The following ZBTB20 variants were observed in gnomAD, a reference collection of about 807,000 sequenced individuals.
The protein encoded by ZBTB20 is zinc finger and BTB domain containing 20, also known as zinc finger and BTB domain-containing protein 20.
Under a neutral mutation model 56.9 loss-of-function variants are expected in ZBTB20, and 9 were observed. The ratio of observed to expected loss-of-function variants is 0.16; its 90% CI spans 0.10 to 0.28. ZBTB20 has a LOEUF of 0.28. Among genes scored for constraint, ZBTB20 ranks in the 10% least tolerant of loss-of-function variants. The pLI is 1.00. For missense variants in ZBTB20, 655 were observed against 1,003.0 expected, an observed-to-expected ratio of 0.65 and a Z score of 4.69; for synonymous variants, 417 against 420.7, an observed-to-expected ratio of 0.99 and a Z score of 0.11.
At chr3:114,575,263 T>A (rs922938007) in intron 6 of ZBTB20, among the ~76,000 whole-genome samples, 8 of 152,200 alleles carry the variant, frequency 5.3e-5, no homozygotes, top group African/African-American at 1.9e-4. Context: ...GTTAAAATCA[T>A]GCCACATAGA....
intron 5 of ZBTB20, among the ~76,000 whole-genome samples, chr3:114,730,904 T>C (rs1023998091): frequency 2.6e-5 from 4 of 152,182 alleles, no homozygotes; most frequent in Non-Finnish European, 4.4e-5. Flanking sequence ...CTATGGAACA[T>C]TCAAGAAATG....
chr3:114,927,681 C>A (rs369200684), intron 3 of ZBTB20, among the ~76,000 whole-genome samples: 24 of 152,144 alleles, frequency 1.6e-4, no homozygotes, highest in African/African-American at 4.8e-4. Context: ...AGTTTCCAAC[C>A]AAATTATATT....
intron 6 of ZBTB20, among the ~76,000 whole-genome samples, chr3:114,583,429 T>C (rs911355443): frequency 2.0e-5 from 3 of 152,218 alleles, no homozygotes; most frequent in African/African-American, 7.2e-5. Flanking sequence ...TTTGACTTAG[T>C]GTTTTGTTGA....
chr3:114,935,441 T>C (rs2076500892), intron 3 of ZBTB20, among the ~76,000 whole-genome samples: 2 of 152,132 alleles, frequency 1.3e-5, no homozygotes, highest in African/African-American at 4.8e-5. Context: ...CCAGAATATA[T>C]GTTACATTAT....
intron 1 of ZBTB20, among the ~76,000 whole-genome samples, chr3:115,136,839 T>C (rs1466592119): frequency 1.3e-5 from 2 of 152,098 alleles, no homozygotes; most frequent in Non-Finnish European, 2.9e-5. Context: ...TCTCAATCCC[T>C]TTCTAAAACA....
At chr3:114,745,518 C>T (rs2066974476) in intron 5 of ZBTB20, among the ~76,000 whole-genome samples, 2 of 152,112 alleles carry the variant, frequency 1.3e-5, no homozygotes, top group African/African-American at 4.8e-5. Flanking sequence ...GACTGAATCA[C>T]CCAAAGATAC....
chr3:114,497,217 T>G (rs963989349), intron 7 of ZBTB20, among the ~76,000 whole-genome samples: 3 of 152,228 alleles, frequency 2.0e-5, no homozygotes, highest in Non-Finnish European at 4.4e-5. Context: ...ACCTTTGACC[T>G]GGTCTCCCTA....
intron 3 of ZBTB20, among the ~76,000 whole-genome samples, chr3:114,909,970 A>G (rs2075465847): frequency 6.6e-6 from 1 of 152,042 alleles, no homozygotes; most frequent in African/African-American, 2.4e-5. Context: ...ACAAAAATGT[A>G]AAGACAGTCA....
At position 114,926,425 on chromosome 3, in the gene ZBTB20, G is replaced by GT. The variant is rs547326566; in HGVS notation, c.-455-26084dup. 2.2e-4 allele frequency among the ~76,000 whole-genome samples: 33 copies of GT among 152,030 alleles called. No individual in the cohort carries two copies. In the South Asian group the frequency reaches 5.4e-3, roughly 25 times the overall value. On this transcript the variant is annotated intron_variant, in intron 3 of 11. Transcript: ENST00000675478. ...TATAGCTACTATCTGCAGGCTGGTT[G>GT]TTTTTTTGGAAGTTTATTTCTCCAC... is the stretch of plus-strand genomic sequence containing the variant.
chr3:114,949,721 C>T (rs1168349194), intron 3 of ZBTB20, among the ~76,000 whole-genome samples: 5 of 147,976 alleles, frequency 3.4e-5, no homozygotes, highest in Admixed American at 1.3e-4. Flanking sequence ...GAGCCAAGAT[C>T]GCACCACTGC....
chr3:114,673,425 T>C (rs2061462372), intron 6 of ZBTB20, among the ~76,000 whole-genome samples: 2 of 152,174 alleles, frequency 1.3e-5, no homozygotes, highest in African/African-American at 4.8e-5. Flanking sequence ...TGTAAAATAA[T>C]TATTATAATA....
chr3:114,496,098 A>G (rs1280247250), intron 7 of ZBTB20, among the ~76,000 whole-genome samples: 2 of 152,146 alleles, frequency 1.3e-5, no homozygotes, highest in Non-Finnish European at 2.9e-5. Context: ...CAGAGATGTG[A>G]CTGGAAAAAT....
intron 4 of ZBTB20, among the ~76,000 whole-genome samples, 164 bp from the exon 5 acceptor site, chr3:114,801,338 A>G (rs968538857): frequency 2.7e-5 from 4 of 149,678 alleles, no homozygotes; most frequent in African/African-American, 7.3e-5. Context: ...AGGAAAAAAA[A>G]AAAAAAGAAA....
intron 3 of ZBTB20, among the ~76,000 whole-genome samples, chr3:114,904,825 T>C (rs1284844711): frequency 6.6e-6 from 1 of 151,890 alleles, no homozygotes; most frequent in Non-Finnish European, 1.5e-5. Flanking sequence ...TGGAAACAGA[T>C]AAAGTGCAAT....
At chr3:114,945,742 T>G (rs2107877619) in intron 3 of ZBTB20, among the ~76,000 whole-genome samples, 1 of 145,420 alleles carries the variant, frequency 6.9e-6, no homozygotes, top group Non-Finnish European at 1.5e-5. Flanking sequence ...TGAAATACAA[T>G]GTCAGACTTT....
At chr3:114,926,857 T>C (rs2076176846) in intron 3 of ZBTB20, among the ~76,000 whole-genome samples, 1 of 152,082 alleles carries the variant, frequency 6.6e-6, no homozygotes, top group South Asian at 2.1e-4. Flanking sequence ...TCAAACACTA[T>C]CCTCCTGAGT....
At chr3:115,045,147 G>A (rs963212982) in intron 2 of ZBTB20, among the ~76,000 whole-genome samples, 1 of 152,162 alleles carries the variant, frequency 6.6e-6, no homozygotes, top group East Asian at 1.9e-4. Flanking sequence ...AAAAGCCTCT[G>A]TGGGACCCAA....
chr3:114,812,983 TCGCGCTTGCCCGCAAGCAC>T (rs1159900910), intron 4 of ZBTB20, among the ~76,000 whole-genome samples: 1 of 151,276 alleles, frequency 6.6e-6, no homozygotes, highest in Non-Finnish European at 1.5e-5. Flanking sequence ...CACCCGGGAC[TCGCGCTTGCCCGCAAGCAC>T]CGCGCGCAGC....
At chr3:114,825,229 T>C (rs773420648) in intron 4 of ZBTB20, among the ~76,000 whole-genome samples, 85 of 152,060 alleles carry the variant, frequency 5.6e-4, no homozygotes, top group Middle Eastern at 3.4e-3. Flanking sequence ...CTCTTTGATA[T>C]AAATTGCATG....
Sources: gnomAD v4.1 joint callset for allele counts (sites outside exome capture counted in the v4.1 genomes callset) on GRCh38, gnomAD v4.1.1 for gene constraint, MANE v1.5 for transcripts, NCBI Gene and HGNC (gene_info 2026-07-23, HGNC 2026-07-21) for gene names.